Variants in ELL observed in about 807,000 individuals in gnomAD.
The protein encoded by ELL is elongation factor for RNA polymerase II, also known as RNA polymerase II elongation factor ELL.
A neutral mutation model predicts 64.0 loss-of-function variants in ELL; 18 were observed. The observed-to-expected ratio is 0.28, with a 90% CI of 0.19 to 0.42. ELL has a LOEUF of 0.42. ELL is among the 10% of genes least tolerant of loss of function. The probability of loss-of-function intolerance (pLI) is 1.00; values close to 1 mark genes in which losing one functional copy is unlikely to be tolerated. For missense variants in ELL, 797 were observed against 870.4 expected, an observed-to-expected ratio of 0.92 and a Z score of 1.06; for synonymous variants, 399 against 376.2, an observed-to-expected ratio of 1.06 and a Z score of -0.70.
At chr19:18,487,631 G>A (rs922119836) in intron 1 of ELL, among the ~76,000 whole-genome samples, 1 of 152,200 alleles carries the variant, frequency 6.6e-6, no homozygotes, top group Admixed American at 6.5e-5. Context: ...CTTCCACTGA[G>A]GAACATCTCT....
In ELL at chr19:18,454,998, G is replaced by A. The variant is rs146265241; in HGVS notation, c.869+3207C>T. On this transcript the variant is annotated intron_variant, in intron 6 of 11. Coordinates refer to ENST00000262809, the MANE Select transcript of ELL (RefSeq NM_006532.4). ...CTACTAAAAATACAAAAAATTAGCC[G>A]GGCATGGTGGTGCATGCCTGTAATC... Among the ~76,000 whole-genome samples the A allele has an allele frequency of 7.1e-3, 1,068 of 150,660 alleles. 14 individuals are homozygous for A. The highest frequency in any genetic ancestry group is 0.025 in the African/African-American group (1,021 of 40,950).
At chr19:18,483,855 G>T (rs1387938547) in intron 1 of ELL, among the ~76,000 whole-genome samples, 1 of 152,208 alleles carries the variant, frequency 6.6e-6, no homozygotes, top group African/African-American at 2.4e-5. Context: ...CACCCTGCCT[G>T]CACCTCCATG....
At chr19:18,478,205 C>G (rs980290196) in intron 1 of ELL, among the ~76,000 whole-genome samples, 16 of 152,194 alleles carry the variant, frequency 1.1e-4, no homozygotes, top group African/African-American at 3.9e-4. Context: ...GGTGTCATGG[C>G]CGAACCCTTG....
At chr19:18,517,577 G>T (rs567880248) in intron 1 of ELL, among the ~76,000 whole-genome samples, 1 of 149,662 alleles carries the variant, frequency 6.7e-6, no homozygotes, top group South Asian at 2.3e-4. Flanking sequence ...TATATTCAAA[G>T]AAAAACAGAC....
Position 18,516,576 on chromosome 19 carries a change from C to A in ELL, c.135+5345G>T, listed in dbSNP as rs569556512. ...TGGGTATCCCGCCCTGAGCCATGGG[C>A]ACTGACCAGAGGCTCAATCATACCA... is the stretch of plus-strand genomic sequence containing the variant. On this transcript the variant is annotated intron_variant, in intron 1 of 11. Coordinates refer to ENST00000262809, the MANE Select transcript of ELL (RefSeq NM_006532.4). 4.6e-5 allele frequency among the ~76,000 whole-genome samples: 7 copies of A among 152,268 alleles called. No individual in the cohort carries two copies. The South Asian group carries it at 1.2e-3, about 27-fold the overall frequency.
At chr19:18,516,910 C>G (rs927122996) in intron 1 of ELL, among the ~76,000 whole-genome samples, 2 of 152,228 alleles carry the variant, frequency 1.3e-5, no homozygotes, top group East Asian at 3.9e-4. Flanking sequence ...GCAGGTGGAG[C>G]TGAGATTCAA....
intron 1 of ELL, among the ~76,000 whole-genome samples, chr19:18,481,971 G>A (rs113826606): frequency 0.018 from 2,718 of 152,202 alleles, 37 homozygotes; most frequent in African/African-American, 0.044. Flanking sequence ...TACTGCCGCC[G>A]GCAGCGAATG....
intron 2 of ELL, among the ~76,000 whole-genome samples, chr19:18,466,631 T>A (rs1974942045): frequency 6.6e-6 from 1 of 152,170 alleles, no homozygotes; most frequent in Non-Finnish European, 1.5e-5. Flanking sequence ...ACTGCGCTGG[T>A]CCCGGCCAGG....
At chr19:18,507,993 A>C (rs1975922477) in intron 1 of ELL, among the ~76,000 whole-genome samples, 1 of 152,206 alleles carries the variant, frequency 6.6e-6, no homozygotes, top group African/African-American at 2.4e-5. Flanking sequence ...CAGGCTGCAC[A>C]TGACTGTGTT....
chr19:18,444,632 G>A lies in ELL; in HGVS notation c.*120C>T. 1 of 1,156,870 alleles carries A rather than the reference G, an allele frequency of 8.6e-7. No individual in the cohort carries two copies. Among genetic ancestry groups the A allele is most frequent in the Non-Finnish European group, 1.2e-6 (1 of 829,750 alleles). 71.7% of individuals were successfully genotyped at this position (1,156,870 alleles called of 1,614,324 possible). A position where few individuals can be genotyped will look rare whatever the true frequency, so the allele number is the denominator to read the frequency against. ...GCCAGACGTCTGCAGGGGCTGCCCT[G>A]AAAGCCGGCGGTGCTGGCTCAGATG... On this transcript the variant is annotated 3_prime_UTR_variant, in exon 12 of 12. Coordinates refer to ENST00000262809, the MANE Select transcript of ELL (RefSeq NM_006532.4).
At chr19:18,455,558 A>G (rs1182804059) in intron 6 of ELL, among the ~76,000 whole-genome samples, 2 of 151,790 alleles carry the variant, frequency 1.3e-5, no homozygotes, top group Non-Finnish European at 2.9e-5. Context: ...GAAACTAGAA[A>G]TAATAGGCCT....
At chr19:18,500,369 G>T (rs1196983250) in intron 1 of ELL, among the ~76,000 whole-genome samples, 1 of 152,070 alleles carries the variant, frequency 6.6e-6, no homozygotes, top group Non-Finnish European at 1.5e-5. Context: ...TCGTGGGTTT[G>T]TAAATGAACC....
intron 1 of ELL, among the ~76,000 whole-genome samples, chr19:18,515,209 G>A (rs556330564): frequency 5.9e-5 from 9 of 152,284 alleles, no homozygotes; most frequent in Non-Finnish European, 8.8e-5. Flanking sequence ...CTGCCAGCTC[G>A]GGCCCACAGA....
At chr19:18,493,441 C>T (rs1975575619) in intron 1 of ELL, among the ~76,000 whole-genome samples, 1 of 152,242 alleles carries the variant, frequency 6.6e-6, no homozygotes, top group African/African-American at 2.4e-5. Context: ...GCAGGGAGGG[C>T]TGGCTCCCCA....
In ELL at chr19:18,461,700, G is replaced by A. The variant is rs779912593; in HGVS notation, c.622C>T (p.Arg208Cys). 8 of 1,613,502 alleles carry A rather than the reference G, an allele frequency of 5.0e-6. No individual in the cohort carries two copies. The highest frequency in any genetic ancestry group is 3.3e-5 in the Admixed American group (2 of 60,004). ...GCCAGGAGGTGCAGCACTCGGTCAC[G>A]GAAGGGCCTCTGGGACACCCCGCTG... ...GGSGVSQRPF[R>C]DRVLHLLALR... The change falls in exon 5 of 12, where the codon CGT (arginine) becomes TGT (cysteine). Residue 208 changes from arginine to cysteine, a missense_variant. By Grantham distance (180) the Arg-to-Cys change is radical. Transcript: ENST00000262809.
intron 1 of ELL, 70 bp from the exon 2 acceptor site, chr19:18,472,952 T>TCC: frequency 7.1e-7 from 1 of 1,406,026 alleles, no homozygotes; most frequent in Non-Finnish European, 9.3e-7. Flanking sequence ...ACCCAAAGAC[T>TCC]CCCTCCCCAG....
intron 5 of ELL, among the ~76,000 whole-genome samples, chr19:18,459,005 C>T (rs1018403969): frequency 6.6e-5 from 10 of 152,184 alleles, no homozygotes; most frequent in Non-Finnish European, 1.5e-4. Context: ...CCTCTTGCCT[C>T]AGTCTCCCAA....
At chr19:18,484,662 T>A (rs532287596) in intron 1 of ELL, among the ~76,000 whole-genome samples, 1 of 151,880 alleles carries the variant, frequency 6.6e-6, no homozygotes, top group Non-Finnish European at 1.5e-5. Context: ...AAACAAAACA[T>A]AACAAAACCG....
chr19:18,517,627 G>A (rs930118922), intron 1 of ELL, among the ~76,000 whole-genome samples: 6 of 149,892 alleles, frequency 4.0e-5, no homozygotes, highest in African/African-American at 9.8e-5. Flanking sequence ...TTGGGAGGCC[G>A]ACACAGGAGG....
Sources: gnomAD v4.1 joint callset for allele counts (sites outside exome capture counted in the v4.1 genomes callset) on GRCh38, gnomAD v4.1.1 for gene constraint, MANE v1.5 for transcripts, NCBI Gene and HGNC (gene_info 2026-07-23, HGNC 2026-07-21) for gene names.